Variants in RUFY3 observed in about 807,000 individuals in gnomAD.
The protein encoded by RUFY3 is RUN and FYVE domain containing 3.
RUFY3 carries 34 observed loss-of-function variants against 84.0 expected under a neutral mutation model. The observed-to-expected ratio is 0.40, with a 90% confidence interval of 0.31 to 0.54. The LOEUF is 0.54. Ranked by LOEUF, RUFY3 falls within the 20% of genes least tolerant of loss-of-function variation. The pLI, the probability that RUFY3 is intolerant of heterozygous loss-of-function variation, is 0.39. For synonymous variants in RUFY3, 242 were observed against 252.9 expected, an observed-to-expected ratio of 0.96 and a Z score of 0.41; for missense variants, 507 against 736.8, an observed-to-expected ratio of 0.69 and a Z score of 3.61.
At chr4:70,763,434 A>G in intron 2 of RUFY3, 118 bp from the exon 3 acceptor site, 1 of 708,304 alleles carries the variant, frequency 1.4e-6, no homozygotes, top group Non-Finnish European at 2.4e-6. Context: ...TGAATCCAAA[A>G]CCATCTTATA....
At chr4:70,787,168 G>GA (rs71211959) in intron 10 of RUFY3, among the ~76,000 whole-genome samples, 1,741 of 52,906 alleles carry the variant, frequency 0.033, 77 homozygotes, top group Non-Finnish European at 0.042. Context: ...CCCTGTCTCA[G>GA]AAAAAAAAAA....
chr4:70,744,758 A>G (rs1736995392), intron 1 of RUFY3, among the ~76,000 whole-genome samples: 1 of 147,420 alleles, frequency 6.8e-6, no homozygotes. Flanking sequence ...AGATTGAAGC[A>G]ATTCTCCTGC....
intron 12 of RUFY3, 25 bp downstream of exon 12, chr4:70,789,617 A>G (rs745363093): frequency 6.2e-7 from 1 of 1,607,494 alleles, no homozygotes; most frequent in South Asian, 1.1e-5. Flanking sequence ...TCTTTAATGA[A>G]ACACTTTGGA....
intron 4 of RUFY3, among the ~76,000 whole-genome samples, chr4:70,767,954 C>G (rs1726267158): frequency 6.6e-6 from 1 of 152,148 alleles, no homozygotes; most frequent in South Asian, 2.1e-4. Context: ...GCTGGGATTA[C>G]AAGCGTGAGC....
intron 1 of RUFY3, among the ~76,000 whole-genome samples, chr4:70,716,445 C>T (rs1448961411): frequency 2.6e-5 from 4 of 152,076 alleles, no homozygotes; most frequent in South Asian, 2.1e-4. Context: ...CGCGCCCTGC[C>T]GAATCAGAAA....
intron 1 of RUFY3, among the ~76,000 whole-genome samples, chr4:70,757,048 A>T (rs1035474468): frequency 2.0e-5 from 3 of 151,986 alleles, no homozygotes; most frequent in African/African-American, 4.8e-5. Flanking sequence ...AGGTGAGAGG[A>T]TCACTTGATC....
At chr4:70,783,798 T>G (rs1254163664) in intron 9 of RUFY3, among the ~76,000 whole-genome samples, 1 of 152,228 alleles carries the variant, frequency 6.6e-6, no homozygotes, top group Non-Finnish European at 1.5e-5. Context: ...TTGATAGAGC[T>G]TCTGACACCT....
intron 6 of RUFY3, among the ~76,000 whole-genome samples, chr4:70,774,644 A>AAAAAATATATAT (rs1553916771): frequency 1.6e-4 from 9 of 56,676 alleles, no homozygotes; most frequent in African/African-American, 7.5e-4. Flanking sequence ...AAAAAAAAAA[A>AAAAAATATATAT]ATATATATAT....
chr4:70,715,349 C>T (rs1247506446), intron 1 of RUFY3, among the ~76,000 whole-genome samples: 2 of 151,942 alleles, frequency 1.3e-5, no homozygotes, highest in South Asian at 2.1e-4. Context: ...TTTGGGAGGC[C>T]GAGGCACGTG....
intron 1 of RUFY3, among the ~76,000 whole-genome samples, chr4:70,749,208 G>A (rs77935042): frequency 2.7e-3 from 408 of 152,114 alleles, no homozygotes; most frequent in African/African-American, 8.0e-3. Flanking sequence ...AAACAACGAA[G>A]GTTTGTCCTA....
exon 1 of RUFY3, chr4:70,705,045 G>A: frequency 4.0e-6 from 5 of 1,248,602 alleles, no homozygotes; most frequent in Non-Finnish European, 4.0e-6. Flanking sequence ...TCCCGCCGGG[G>A]GCACGGACCG....
chr4:70,766,968 T>C (rs1050477563), intron 4 of RUFY3, among the ~76,000 whole-genome samples: 1 of 152,206 alleles, frequency 6.6e-6, no homozygotes, highest in African/African-American at 2.4e-5. Context: ...ACTGTCTCTG[T>C]GGTTTTTCCT....
At position 70,785,640 on chromosome 4, in the gene RUFY3, C is replaced by T. The variant is rs1482349611; in HGVS notation, c.1071+761C>T. On this transcript the variant is annotated intron_variant, in intron 10 of 17. Coordinates refer to ENST00000381006, the MANE Select transcript of RUFY3 (RefSeq NM_001037442.4). Reference sequence around the variant, plus strand: ...GGTCGGGAGTTCGAGACCAGCATGACCAGCATGGTGAAACCCCATCTCTAC... The same window carrying T: ...GGTCGGGAGTTCGAGACCAGCATGATCAGCATGGTGAAACCCCATCTCTAC... 2.0e-5 allele frequency among the ~76,000 whole-genome samples: 3 copies of T among 151,526 alleles called. No homozygotes were observed. In the East Asian group the frequency reaches 5.8e-4, roughly 29 times the overall value.
intron 1 of RUFY3, among the ~76,000 whole-genome samples, chr4:70,731,814 G>T (rs190572965): frequency 1.8e-4 from 28 of 152,226 alleles, no homozygotes; most frequent in Middle Eastern, 3.4e-3. Context: ...GCGATCACCC[G>T]CCTCAGCCTC....
chr4:70,773,673 T>A, intron 6 of RUFY3, 101 bp downstream of exon 6: 1 of 733,882 alleles, frequency 1.4e-6, no homozygotes. Context: ...ACAGACGTGC[T>A]GAAAGAATTT....
At chr4:70,757,485 T>C (rs1342686534) in intron 1 of RUFY3, among the ~76,000 whole-genome samples, 1 of 151,902 alleles carries the variant, frequency 6.6e-6, no homozygotes, top group Non-Finnish European at 1.5e-5. Flanking sequence ...ATGCCTGTAA[T>C]CCCAGATACT....
In RUFY3 at chr4:70,722,460, G is replaced by GT; in HGVS notation, c.-111dup. The GT allele has an allele frequency of 7.6e-7, 1 of 1,315,536 alleles. No homozygotes were observed. Among genetic ancestry groups the GT allele is most frequent in the African/African-American group, 1.5e-5 (1 of 65,576 alleles). 81.5% of individuals were successfully genotyped at this position (1,315,536 alleles called of 1,614,324 possible). A position where few individuals can be genotyped will look rare whatever the true frequency, so the allele number is the denominator to read the frequency against. On this transcript the variant is annotated 5_prime_UTR_variant, in exon 1 of 18. Transcript: ENST00000381006. ...CCCCCACCCTTTTCCTGAAAGCTTT[G>GT]TTTCAGAGCTTTGTATTGGGTTTTT...
intron 17 of RUFY3, among the ~76,000 whole-genome samples, chr4:70,804,941 TAAAC>T (rs748287514): frequency 4.1e-4 from 62 of 151,874 alleles, no homozygotes; most frequent in Middle Eastern, 6.8e-3. Flanking sequence ...AGTAAATAAA[TAAAC>T]AAACAAAAAT....
intron 14 of RUFY3, chr4:70,799,888 C>T: frequency 2.5e-6 from 1 of 393,412 alleles, no homozygotes; most frequent in Non-Finnish European, 4.5e-6. Flanking sequence ...AAGTAGAATA[C>T]ATTCTGAATT....
Sources: allele counts gnomAD v4.1 joint callset (sites outside exome capture counted in the v4.1 genomes callset), GRCh38; gene constraint gnomAD v4.1.1; transcripts MANE v1.5; gene names NCBI Gene and HGNC (gene_info 2026-07-23, HGNC 2026-07-21).